Variants in PXDNL observed in about 807,000 individuals in gnomAD.
PXDNL encodes the protein probable oxidoreductase PXDNL.
A neutral mutation model predicts 150.8 loss-of-function variants in PXDNL; 145 were observed. That is an observed-to-expected ratio of 0.96 (90% CI 0.84 to 1.10). The LOEUF is 1.10. Among genes scored for constraint, PXDNL ranks in the 50% least tolerant of loss-of-function variants. The pLI is 0.00. For synonymous variants in PXDNL, 757 were observed against 725.7 expected (o/e 1.04, Z -0.69); for missense variants, 2,087 against 1,873.9 (o/e 1.11, Z -2.10).
In PXDNL at chr8:51,691,638, G is replaced by T. The variant is rs1816001745; in HGVS notation, c.165-36878C>A. ...AGTTGAACAAAACCTTCTAAGGAAG[G>T]TCATGAAAAGTCATTAAGACAAAGG... is the stretch of plus-strand genomic sequence containing the variant. On this transcript the variant is annotated intron_variant, in intron 1 of 22. Coordinates refer to ENST00000356297, the MANE Select transcript of PXDNL (RefSeq NM_144651.5). Among the ~76,000 whole-genome samples, 3 of 151,712 alleles carry T rather than the reference G, an allele frequency of 2.0e-5. No homozygotes were observed. The South Asian group carries it at 6.3e-4, about 32-fold the overall frequency.
At chr8:51,618,916 T>C (rs1814183224) in intron 2 of PXDNL, among the ~76,000 whole-genome samples, 2 of 152,234 alleles carry the variant, frequency 1.3e-5, no homozygotes, top group South Asian at 2.1e-4. Context: ...AGCATTCTTT[T>C]ACGCAGGCAG....
intron 4 of PXDNL, among the ~76,000 whole-genome samples, chr8:51,527,223 G>GACCT (rs953958326): frequency 1.3e-5 from 2 of 152,094 alleles, no homozygotes; most frequent in African/African-American, 4.8e-5. Flanking sequence ...AATGAGCTGG[G>GACCT]ACCTACCTAC....
chr8:51,638,320 A>T lies in PXDNL; in HGVS notation c.236+16369T>A, dbSNP rs191926912. Among the ~76,000 whole-genome samples the T allele has an allele frequency of 6.4e-3, 978 of 152,318 alleles. 17 individuals are homozygous for T. The highest frequency in any genetic ancestry group is 0.022 in the African/African-American group (903 of 41,562). On this transcript the variant is annotated intron_variant, in intron 2 of 22. Coordinates refer to ENST00000356297, the MANE Select transcript of PXDNL (RefSeq NM_144651.5). ...ACGACCAAAATAACCAGCTAACATC[A>T]TAATGACAGGATCAAATTCACACAT...
intron 14 of PXDNL, among the ~76,000 whole-genome samples, chr8:51,421,772 T>C (rs1461261764): frequency 6.6e-6 from 1 of 152,244 alleles, no homozygotes; most frequent in Non-Finnish European, 1.5e-5. Flanking sequence ...CTAAACTACA[T>C]TGTTAAAATT....
At chr8:51,569,766 T>A (rs569454370) in intron 3 of PXDNL, among the ~76,000 whole-genome samples, 1 of 152,018 alleles carries the variant, frequency 6.6e-6, no homozygotes, top group East Asian at 1.9e-4. Flanking sequence ...TAAAATCAAA[T>A]TAGTACTCCA....
Position 51,408,929 on chromosome 8 carries a change from C to T in PXDNL, c.2695G>A (p.Val899Ile), listed in dbSNP as rs753110584. The change falls in exon 17 of 23, where the codon GTT (valine) becomes ATT (isoleucine). Residue 899 changes from valine to isoleucine, a missense_variant. Physicochemically the swap from Val to Ile is conservative, Grantham distance 29 (BLOSUM62 3). Coordinates refer to ENST00000356297, the MANE Select transcript of PXDNL (RefSeq NM_144651.5). ...QQTAYIDGSN[V>I]YGSSERESQA... ...GATTCCCGCTCCGAGCTCCCGTAAA[C>T]GTTGGAGCCATCGATGTAGGCTGTT... 1.2e-6 allele frequency: 2 copies of T among 1,612,480 alleles called. No individual in the cohort carries two copies. Among genetic ancestry groups the T allele is most frequent in the Non-Finnish European group, 1.7e-6 (2 of 1,179,562 alleles).
chr8:51,452,924 G>GCACACACAAACACATACACACACA (rs1554541844), intron 10 of PXDNL, among the ~76,000 whole-genome samples: 2 of 61,218 alleles, frequency 3.3e-5, no homozygotes, highest in African/African-American at 9.1e-5. Context: ...ACACACAAAC[G>GCACACACAAACACATACACACACA]CACACACACA....
At chr8:51,529,938 C>T (rs555128162) in intron 4 of PXDNL, among the ~76,000 whole-genome samples, 6 of 151,980 alleles carry the variant, frequency 3.9e-5, no homozygotes, top group Non-Finnish European at 7.4e-5. Flanking sequence ...ATAGCAATCC[C>T]CCTTCCCCAG....
chr8:51,791,246 C>T (rs2037510680), intron 1 of PXDNL, among the ~76,000 whole-genome samples: 1 of 152,182 alleles, frequency 6.6e-6, no homozygotes, highest in Non-Finnish European at 1.5e-5. Context: ...CCTAAGCTTG[C>T]TAAGAGACGT....
chr8:51,541,230 C>T (rs1231489874), intron 4 of PXDNL, among the ~76,000 whole-genome samples: 2 of 145,852 alleles, frequency 1.4e-5, no homozygotes, highest in Non-Finnish European at 3.0e-5. Flanking sequence ...TGCACTCCGG[C>T]CTGGCGACAG....
chr8:51,455,043 A>G (rs1208970525), intron 9 of PXDNL, among the ~76,000 whole-genome samples: 1 of 86,734 alleles, frequency 1.2e-5, no homozygotes, highest in African/African-American at 8.0e-5. Flanking sequence ...CGGGAAGCGG[A>G]GCTTGCAGTG....
At chr8:51,470,450 C>T (rs563010753) in intron 8 of PXDNL, among the ~76,000 whole-genome samples, 8 of 151,840 alleles carry the variant, frequency 5.3e-5, no homozygotes, top group African/African-American at 1.5e-4. Flanking sequence ...TGATTATACA[C>T]GTGACAAAAG....
At chr8:51,339,555 GACAA>G in intron 21 of PXDNL, 65 bp downstream of exon 21, 1 of 1,469,158 alleles carries the variant, frequency 6.8e-7, no homozygotes, top group Non-Finnish European at 9.4e-7. Flanking sequence ...AGAGTTACTG[GACAA>G]ATCTTTTATG....
intron 4 of PXDNL, among the ~76,000 whole-genome samples, chr8:51,502,939 T>G (rs561343525): frequency 6.6e-6 from 1 of 152,166 alleles, no homozygotes; most frequent in Non-Finnish European, 1.5e-5. Flanking sequence ...CAATATCACT[T>G]AGCTACTATG....
At chr8:51,772,307 C>T (rs2037307506) in intron 1 of PXDNL, among the ~76,000 whole-genome samples, 1 of 151,956 alleles carries the variant, frequency 6.6e-6, no homozygotes, top group Admixed American at 6.6e-5. Flanking sequence ...GCATGCCCCA[C>T]TCTCTCTTTT....
intron 3 of PXDNL, among the ~76,000 whole-genome samples, chr8:51,579,606 T>TA (rs1437350084): frequency 6.6e-6 from 1 of 152,006 alleles, no homozygotes; most frequent in African/African-American, 2.4e-5. Context: ...TTCTAAAGAA[T>TA]AAAAAATTTA....
intron 1 of PXDNL, among the ~76,000 whole-genome samples, chr8:51,798,724 ACT>A (rs1178610288): frequency 3.3e-4 from 50 of 152,348 alleles, no homozygotes; most frequent in African/African-American, 1.2e-3. Flanking sequence ...ACCTTTTTAC[ACT>A]GTTGGTGGGA....
chr8:51,671,732 A>G (rs1328305422), intron 1 of PXDNL, among the ~76,000 whole-genome samples: 1 of 151,974 alleles, frequency 6.6e-6, no homozygotes, highest in Non-Finnish European at 1.5e-5. Flanking sequence ...AGACCTTCAT[A>G]CCACTCTCCT....
intron 17 of PXDNL, among the ~76,000 whole-genome samples, chr8:51,385,376 A>T (rs1807670038): frequency 6.6e-6 from 1 of 152,194 alleles, no homozygotes; most frequent in South Asian, 2.1e-4. Flanking sequence ...AATGTCATTA[A>T]ATGTTATGTT....
Sources: gnomAD v4.1 joint callset for allele counts (sites outside exome capture counted in the v4.1 genomes callset) on GRCh38, gnomAD v4.1.1 for gene constraint, MANE v1.5 for transcripts, NCBI Gene and HGNC (gene_info 2026-07-23, HGNC 2026-07-21) for gene names.